Variants in FAM76A observed in about 807,000 individuals in gnomAD.
FAM76A encodes the protein protein FAM76A.
Under a neutral mutation model 46.2 loss-of-function variants are expected in FAM76A, and 32 were observed. The observed-to-expected ratio is 0.69, with a 90% CI of 0.52 to 0.93. The LOEUF is 0.93. Among genes scored for constraint, FAM76A ranks in the 40% least tolerant of loss-of-function variants. The pLI is 0.00. For missense variants in FAM76A, 274 were observed against 361.5 expected (o/e 0.76, Z 1.96); for synonymous variants, 137 against 127.0 (o/e 1.08, Z -0.53).
intron 6 of FAM76A, among the ~76,000 whole-genome samples, chr1:27,750,438 G>A (rs1341304857): frequency 6.6e-6 from 1 of 152,202 alleles, no homozygotes; most frequent in Non-Finnish European, 1.5e-5. Flanking sequence ...TGGCCATTGT[G>A]AAGAAAGGGA....
chr1:27,756,323 C>CT (rs1557788146), intron 7 of FAM76A, among the ~76,000 whole-genome samples: 1 of 151,340 alleles, frequency 6.6e-6, no homozygotes, highest in South Asian at 2.1e-4. Context: ...TCTTTTTTTT[C>CT]TTTTTTTGTT....
intron 7 of FAM76A, among the ~76,000 whole-genome samples, chr1:27,757,792 C>A (rs563111447): frequency 1.3e-5 from 2 of 152,210 alleles, no homozygotes; most frequent in East Asian, 3.9e-4. Context: ...CTGGCTAACA[C>A]GGTGAAACCC....
intron 2 of FAM76A, 114 bp downstream of exon 2, chr1:27,727,650 C>G: frequency 1.3e-6 from 1 of 771,814 alleles, no homozygotes; most frequent in Non-Finnish European, 2.2e-6. Context: ...AAATACAGAT[C>G]TGTAATCAAT....
intron 6 of FAM76A, among the ~76,000 whole-genome samples, chr1:27,753,654 T>C (rs2088364806): frequency 6.6e-6 from 1 of 152,222 alleles, no homozygotes. Context: ...TCTTGTCGAT[T>C]ATTTATGTCT....
chr1:27,754,274 T>C (rs2088376373), intron 6 of FAM76A, among the ~76,000 whole-genome samples: 1 of 152,050 alleles, frequency 6.6e-6, no homozygotes, highest in Admixed American at 6.6e-5. Context: ...GGCCAGCTAA[T>C]TTTTTATTTT....
At chr1:27,747,582 T>G (rs1348890153) in intron 5 of FAM76A, among the ~76,000 whole-genome samples, 1 of 152,180 alleles carries the variant, frequency 6.6e-6, no homozygotes, top group African/African-American at 2.4e-5. Context: ...AGTCTTGTAG[T>G]TTGACTGAGA....
At chr1:27,746,833 C>G (rs961904330) in intron 5 of FAM76A, among the ~76,000 whole-genome samples, 3 of 152,128 alleles carry the variant, frequency 2.0e-5, no homozygotes, top group African/African-American at 7.2e-5. Context: ...ACCCAACGCT[C>G]TGGGAGGCCG....
At chr1:27,757,188 CT>C (rs1182814614) in intron 7 of FAM76A, among the ~76,000 whole-genome samples, 442 of 81,600 alleles carry the variant, frequency 5.4e-3, no homozygotes, top group African/African-American at 0.017. Context: ...CTCATTTATT[CT>C]TTTTTTTTTT....
Position 27,734,103 on chromosome 1 carries a change from G to A in FAM76A, c.274G>A (p.Glu92Lys). 6.2e-7 allele frequency: 1 copy of A among 1,613,042 alleles called. No homozygotes were observed. Among genetic ancestry groups the A allele is most frequent in the Non-Finnish European group, 8.5e-7 (1 of 1,179,808 alleles). Residue 92 changes from glutamate (E) to lysine (K), a missense_variant, in exon 4 of 9, where the codon GAA becomes AAA. Glu to Lys is a moderately conservative substitution (Grantham distance 56). Transcript: ENST00000373954. ...TAAATGCCAGCGCTGCACAAATTCAGAAAAGAAGTATGGACCACCCTATTC... is the reference window on the plus strand; with the variant it reads ...TAAATGCCAGCGCTGCACAAATTCAAAAAAGAAGTATGGACCACCCTATTC... The part of the protein sequence containing the change: ...GNKCQRCTNS[E>K]KKYGPPYSCE...
chr1:27,752,585 C>T lies in FAM76A; in HGVS notation c.600-2610C>T, dbSNP rs747867945. Among the ~76,000 whole-genome samples, 4 of 152,008 alleles carry T rather than the reference C, an allele frequency of 2.6e-5. No homozygotes were observed. The East Asian group carries it at 5.8e-4, about 22-fold the overall frequency. ...CTAAAGGACATTCTTTTTTTTAACT[C>T]GTAGTTTCATTTTATTCTCCGTCTG... On this transcript the variant is annotated intron_variant, in intron 6 of 8. Transcript: ENST00000373954.
Position 27,760,687 on chromosome 1 carries a change from A to G in FAM76A, c.*106A>G. ...TTGCAAGCTTTCTTAAGAAATCTCT[A>G]TTTTATTACAGTTATCCTTCTTTGT... On this transcript the variant is annotated 3_prime_UTR_variant, in exon 9 of 9. Coordinates refer to ENST00000373954, the MANE Select transcript of FAM76A (RefSeq NM_152660.3). 7.0e-6 allele frequency: 5 copies of G among 710,952 alleles called. 1 individual carries two copies. In the South Asian group the frequency reaches 8.9e-5, roughly 13 times the overall value. 44.0% of individuals were successfully genotyped at this position (710,952 alleles called of 1,614,324 possible). A position where few individuals can be genotyped will look rare whatever the true frequency, so the allele number is the denominator to read the frequency against.
intron 1 of FAM76A, 108 bp from the exon 2 acceptor site, chr1:27,727,364 C>A: frequency 1.2e-6 from 1 of 825,860 alleles, no homozygotes; most frequent in Non-Finnish European, 2.0e-6. Flanking sequence ...TTAAGTGACT[C>A]ACTCAAGCAT....
At chr1:27,758,555 G>A (rs1216566718) in intron 7 of FAM76A, among the ~76,000 whole-genome samples, 1 of 152,030 alleles carries the variant, frequency 6.6e-6, no homozygotes, top group Non-Finnish European at 1.5e-5. Context: ...AGGCTGTTGG[G>A]CAGTGGTGCA....
At chr1:27,740,247 G>C in intron 4 of FAM76A, 1 of 700,280 alleles carries the variant, frequency 1.4e-6, no homozygotes, top group Non-Finnish European at 2.7e-6. Flanking sequence ...TAAGTACTCA[G>C]AGGCTTTGAT....
intron 4 of FAM76A, chr1:27,740,511 G>C: frequency 7.1e-7 from 1 of 1,405,378 alleles, no homozygotes; most frequent in South Asian, 1.2e-5. Context: ...GCAGAGGCAG[G>C]AGCTAACATG....
chr1:27,726,792 C>T (rs1158361815), intron 1 of FAM76A, among the ~76,000 whole-genome samples: 1 of 152,174 alleles, frequency 6.6e-6, no homozygotes, highest in Non-Finnish European at 1.5e-5. Flanking sequence ...AGCTGCTGAT[C>T]AGTTTTTGCT....
intron 4 of FAM76A, among the ~76,000 whole-genome samples, chr1:27,736,999 G>C (rs1159373561): frequency 2.0e-5 from 3 of 152,014 alleles, no homozygotes; most frequent in Non-Finnish European, 4.4e-5. Context: ...GCCCAGGCTA[G>C]AGTGCAATGG....
intron 1 of FAM76A, 32 bp downstream of exon 1, chr1:27,726,193 G>T: frequency 7.9e-7 from 1 of 1,263,276 alleles, no homozygotes; most frequent in South Asian, 3.1e-5. Context: ...CCGGGAACTG[G>T]GGACGCAGGA....
At chr1:27,743,379 C>G (rs1314147790) in intron 4 of FAM76A, among the ~76,000 whole-genome samples, 2 of 152,194 alleles carry the variant, frequency 1.3e-5, no homozygotes, top group African/African-American at 2.4e-5. Context: ...GTTTCGAACT[C>G]TTGGGCTCAC....
Sources: gnomAD v4.1 joint callset for allele counts (sites outside exome capture counted in the v4.1 genomes callset) on GRCh38, gnomAD v4.1.1 for gene constraint, MANE v1.5 for transcripts, NCBI Gene and HGNC (gene_info 2026-07-23, HGNC 2026-07-21) for gene names.